Variants in LYST observed in about 807,000 individuals in gnomAD.
LYST encodes the protein lysosomal trafficking regulator.
A neutral mutation model predicts 413.6 loss-of-function variants in LYST; 192 were observed. The ratio of observed to expected loss-of-function variants is 0.46; its 90% confidence interval spans 0.41 to 0.52. LYST has a LOEUF of 0.52. Ranked by LOEUF, LYST falls within the 20% of genes least tolerant of loss-of-function variation. The pLI is 0.00. For synonymous variants in LYST, 1,525 were observed against 1,567.3 expected, an observed-to-expected ratio of 0.97 and a Z score of 0.64; for missense variants, 3,815 against 4,499.9, an observed-to-expected ratio of 0.85 and a Z score of 4.35.
At position 235,681,715 on chromosome 1, in the gene LYST, G is replaced by A. The variant is rs374696016; in HGVS notation, c.10801-4096C>T. Among the ~76,000 whole-genome samples, 47 of 152,222 alleles carry A rather than the reference G, an allele frequency of 3.1e-4. 1 individual carries two copies. Among genetic ancestry groups the A allele is most frequent in the East Asian group, 1.2e-3 (6 of 5,176 alleles). The stretch of plus-strand genomic sequence containing the variant: ...TCCAAAATGTAGGTTTTAATTGTAG[G>A]AAAATCTCAGTCATCATCTCTTCAC... On this transcript the variant is annotated intron_variant, in intron 48 of 52. Coordinates refer to ENST00000389793, the MANE Select transcript of LYST (RefSeq NM_000081.4).
At chr1:235,833,853 T>C (rs921998197) in intron 1 of LYST, among the ~76,000 whole-genome samples, 186 bp from the exon 2 acceptor site, 4 of 152,186 alleles carry the variant, frequency 2.6e-5, no homozygotes, top group African/African-American at 4.8e-5. Flanking sequence ...TCTTGGAACA[T>C]AGTGATCTGA....
At chr1:235,741,969 G>A (rs1216277983) in intron 30 of LYST, among the ~76,000 whole-genome samples, 2 of 152,136 alleles carry the variant, frequency 1.3e-5, no homozygotes, top group Non-Finnish European at 2.9e-5. Flanking sequence ...CAACATGGAT[G>A]ACCCTTGAGG....
intron 20 of LYST, among the ~76,000 whole-genome samples, chr1:235,767,616 T>C (rs1459907530): frequency 6.6e-6 from 1 of 151,860 alleles, no homozygotes; most frequent in Non-Finnish European, 1.5e-5. Context: ...TCTTTATCAA[T>C]AGTCACTGGT....
intron 20 of LYST, among the ~76,000 whole-genome samples, chr1:235,769,280 GAA>G (rs1033051127): frequency 2.3e-4 from 35 of 152,098 alleles, no homozygotes; most frequent in Admixed American, 2.2e-3. Context: ...CTCTGAGACA[GAA>G]AAAAGTCTTA....
intron 45 of LYST, among the ~76,000 whole-genome samples, chr1:235,702,349 G>C (rs536167696): frequency 6.6e-6 from 1 of 152,300 alleles, no homozygotes; most frequent in Non-Finnish European, 1.5e-5. Context: ...CAATCCTTTT[G>C]ATTGTAGATG....
chr1:235,734,639 C>T lies in LYST; in HGVS notation c.8379G>A (p.Leu2793=). 1.2e-6 allele frequency: 2 copies of T among 1,609,816 alleles called. No homozygotes were observed. Among genetic ancestry groups the T allele is most frequent in the Non-Finnish European group, 1.7e-6 (2 of 1,177,370 alleles). ...PSLQHGAKLV[L]YLSELIHNHQ... is the part of the protein sequence containing the mutation. ...GATTATGTATCAACTCTGACAAATA[C>T]AAAACTAACTTGGCTCCATGCTTTA... is the stretch of plus-strand genomic sequence containing the variant. Residue 2793 remains leucine (L), a synonymous_variant, in exon 32 of 53, where the codon TTG becomes TTA. Coordinates refer to ENST00000389793, the MANE Select transcript of LYST (RefSeq NM_000081.4).
chr1:235,762,507 A>C (rs536992040), intron 22 of LYST, among the ~76,000 whole-genome samples: 1 of 152,350 alleles, frequency 6.6e-6, no homozygotes, highest in African/African-American at 2.4e-5. Flanking sequence ...ATGAAAGACA[A>C]ATGACTATGA....
At position 235,664,452 on chromosome 1, in the gene LYST, A is replaced by G. The variant is rs1658269161; in HGVS notation, c.11195+13T>C. On this transcript the variant is annotated intron_variant, in intron 51 of 52. Transcript: ENST00000389793. This position sits in a 1 kb window ranked among gnomAD's most constrained non-coding sequence, Gnocchi z 4.5. The stretch of plus-strand genomic sequence containing the variant: ...GAATGAAATCAAAAAAAGAGAATCC[A>G]AATTCCTCTTACCTTACAATTCCAT... The G allele has an allele frequency of 1.2e-6, 2 of 1,612,536 alleles. No individual in the cohort carries two copies. Among genetic ancestry groups the G allele is most frequent in the Non-Finnish European group, 1.7e-6 (2 of 1,178,712 alleles).
intron 7 of LYST, among the ~76,000 whole-genome samples, chr1:235,804,049 C>T (rs1257069155): frequency 6.6e-6 from 1 of 152,036 alleles, no homozygotes; most frequent in East Asian, 1.9e-4. Context: ...CTGCTATTTT[C>T]TATGTAGGCA....
intron 39 of LYST, among the ~76,000 whole-genome samples, chr1:235,721,672 C>T (rs891570121): frequency 1.3e-5 from 2 of 152,070 alleles, no homozygotes; most frequent in African/African-American, 4.8e-5. Context: ...ATAGGCAAAA[C>T]CACAGAGAAT....
At position 235,775,055 on chromosome 1, in the gene LYST, TG is replaced by T. The variant is rs1311295782; in HGVS notation, c.5491del (p.Gln1831LysfsTer3). On this transcript the variant is annotated frameshift_variant, in exon 18 of 53. Coordinates refer to ENST00000389793, the MANE Select transcript of LYST (RefSeq NM_000081.4). LOFTEE classifies it high-confidence loss of function. ...VVELSSCEETQALALRVILSL... is the reference protein window; with the variant it reads ...VVELSSCEETXALALRVILSL... ...GAGTATAACTCGCAGTGCTAATGCT[TG>T]AGTTTCTTCACAGCTACTGAGTTCA... 1 of 1,611,604 alleles carries T rather than the reference TG, an allele frequency of 6.2e-7. No homozygotes were observed.
At chr1:235,872,563 A>G (rs1558371640) in intron 1 of LYST, among the ~76,000 whole-genome samples, 1 of 152,184 alleles carries the variant, frequency 6.6e-6, no homozygotes, top group Non-Finnish European at 1.5e-5. Flanking sequence ...CTCTGGAATG[A>G]AGGTCTTATG....
intron 1 of LYST, among the ~76,000 whole-genome samples, chr1:235,845,211 C>T (rs201436355): frequency 1.3e-5 from 2 of 152,190 alleles, no homozygotes; most frequent in Non-Finnish European, 2.9e-5. Flanking sequence ...TGAACACACA[C>T]CCCCACTGGA....
chr1:235,879,741 T>C (rs1398056355), intron 1 of LYST, among the ~76,000 whole-genome samples: 1 of 34,222 alleles, frequency 2.9e-5, no homozygotes, highest in Admixed American at 2.5e-4. Context: ...TCTTTCTTTC[T>C]TTTTTTTTTT....
intron 25 of LYST, among the ~76,000 whole-genome samples, chr1:235,754,807 C>G (rs1666849932): frequency 6.6e-6 from 1 of 151,946 alleles, no homozygotes; most frequent in Non-Finnish European, 1.5e-5. Context: ...GGTGTGGTGG[C>G]CCACACCTAT....
rs191615028 is a variant in LYST, at chr1:235,686,399, C to T, written c.10800+550G>A. Among the ~76,000 whole-genome samples the T allele has an allele frequency of 1.8e-4, 28 of 152,148 alleles. No individual in the cohort carries two copies. Among genetic ancestry groups the T allele is most frequent in the Admixed American group, 1.4e-3 (22 of 15,272 alleles). On this transcript the variant is annotated intron_variant, in intron 48 of 52. Transcript: ENST00000389793. This position sits in a 1 kb window ranked among gnomAD's most constrained non-coding sequence, Gnocchi z 4.0. ...AAAAACAAAACAAAACAAAACAAAA[C>T]CCCCCAAAAACAGTAAATTAAAAGA...
At chr1:235,672,198 T>C (rs1427439494) in intron 50 of LYST, among the ~76,000 whole-genome samples, 1 of 152,224 alleles carries the variant, frequency 6.6e-6, no homozygotes, top group Non-Finnish European at 1.5e-5. Flanking sequence ...AAATGCTGTG[T>C]AGGCAATTAG....
rs762430643 is a variant in LYST, at chr1:235,755,428, G to GAAAAGAA, written c.7229+49_7229+50insTTCTTTT. ...GAAAAGAAAAGAAAAGAAAAGAAAA[G>GAAAAGAA]AAAAAAGACAAAAGATTCCCAATTA... On this transcript the variant is annotated intron_variant, in intron 25 of 52. Coordinates refer to ENST00000389793, the MANE Select transcript of LYST (RefSeq NM_000081.4). 242 of 1,228,170 alleles carry GAAAAGAA rather than the reference G, an allele frequency of 2.0e-4. 1 individual carries two copies. The African/African-American group carries it at 3.9e-3, about 20-fold the overall frequency. The allele number at this position is 1,228,170 out of a possible 1,614,324, so 76.1% of individuals were successfully genotyped here.
chr1:235,802,001 C>T (rs955577258), intron 8 of LYST, among the ~76,000 whole-genome samples: 2 of 151,932 alleles, frequency 1.3e-5, no homozygotes, highest in African/African-American at 2.4e-5. Flanking sequence ...CGAGACTAGC[C>T]TGGGCAACAT....
Sources: allele counts gnomAD v4.1 joint callset (sites outside exome capture counted in the v4.1 genomes callset), GRCh38; gene constraint gnomAD v4.1.1; non-coding constraint Gnocchi (gnomAD v3.1); transcripts MANE v1.5; gene names NCBI Gene and HGNC (gene_info 2026-07-23, HGNC 2026-07-21).